PGM5: variants seen among roughly 807,000 people sequenced by gnomAD.
PGM5 encodes phosphoglucomutase-like protein 5.
PGM5 carries 23 observed loss-of-function variants against 59.2 expected under a neutral mutation model. That is an observed-to-expected ratio of 0.39 (90% CI 0.28 to 0.55). The LOEUF (loss-of-function observed/expected upper bound fraction) is 0.55. PGM5 is among the 20% of genes least tolerant of loss of function. The pLI, the probability that PGM5 is intolerant of heterozygous loss-of-function variation, is 0.66. For synonymous variants in PGM5, 214 were observed against 286.0 expected (o/e 0.75, Z 2.54); for missense variants, 574 against 748.3 (o/e 0.77, Z 2.72).
At chr9:68,438,281 T>G (rs1311643509) in intron 6 of PGM5, among the ~76,000 whole-genome samples, 25 of 104,020 alleles carry the variant, frequency 2.4e-4, no homozygotes, top group African/African-American at 1.0e-3. Flanking sequence ...AGAGGGAGAC[T>G]CTGTCAAAAA....
chr9:68,398,491 AG>A (rs1822572867), intron 6 of PGM5: 1 of 152,218 alleles, frequency 6.6e-6, no homozygotes, highest in Non-Finnish European at 1.5e-5. Context: ...AGGACTAAGA[AG>A]GGTCCAGGGG....
At chr9:68,485,043 G>A (rs1435144739) in intron 9 of PGM5, among the ~76,000 whole-genome samples, 1 of 152,160 alleles carries the variant, frequency 6.6e-6, no homozygotes, top group African/African-American at 2.4e-5. Flanking sequence ...ATTCCTTCAA[G>A]GGAATGGTCT....
intron 6 of PGM5, among the ~76,000 whole-genome samples, chr9:68,450,981 G>C (rs781909178): frequency 1.3e-5 from 2 of 152,192 alleles, no homozygotes; most frequent in Non-Finnish European, 2.9e-5. Flanking sequence ...GAATGGTGGA[G>C]GATTCTTCCT....
intron 6 of PGM5, among the ~76,000 whole-genome samples, chr9:68,453,403 A>T (rs188619042): frequency 6.6e-6 from 1 of 152,258 alleles, no homozygotes; most frequent in East Asian, 1.9e-4. Context: ...CAGTGGCATA[A>T]TTATAGCTAA....
intron 6 of PGM5, among the ~76,000 whole-genome samples, chr9:68,422,999 T>G (rs766871631): frequency 2.8e-4 from 42 of 152,358 alleles, no homozygotes; most frequent in Non-Finnish European, 4.6e-4. Flanking sequence ...CCTGAATTAC[T>G]TCACTTAGAG....
chr9:68,464,698 G>C (rs1823906689), intron 6 of PGM5: 1 of 175,220 alleles, frequency 5.7e-6, no homozygotes, highest in Non-Finnish European at 1.2e-5. Context: ...AATCTGAGCA[G>C]TGCATCACAG....
chr9:68,451,716 G>C (rs1554684343), intron 6 of PGM5, among the ~76,000 whole-genome samples: 1 of 152,126 alleles, frequency 6.6e-6, no homozygotes, highest in Non-Finnish European at 1.5e-5. Context: ...GTCTCTGAAG[G>C]GTGTAGTCTA....
intron 6 of PGM5, among the ~76,000 whole-genome samples, chr9:68,418,984 G>A (rs1371861309): frequency 2.6e-5 from 4 of 152,126 alleles, no homozygotes; most frequent in African/African-American, 9.7e-5. Context: ...CAGGTGGCCC[G>A]TTTCAAAATG....
intron 9 of PGM5, chr9:68,497,638 T>C (rs1237811908): frequency 1.3e-5 from 2 of 152,240 alleles, no homozygotes; most frequent in African/African-American, 2.4e-5. Context: ...TAATGGCTTA[T>C]TCTTAAACAG....
intron 7 of PGM5, among the ~76,000 whole-genome samples, chr9:68,476,496 T>G (rs1019960051): frequency 5.3e-5 from 8 of 152,234 alleles, no homozygotes; most frequent in Non-Finnish European, 1.2e-4. Flanking sequence ...TGGAATTTCT[T>G]GTTTAATCTG....
Position 68,523,602 on chromosome 9 carries a change from A to T in PGM5, c.1615-5965A>T, listed in dbSNP as rs145225309. Among the ~76,000 whole-genome samples the T allele has an allele frequency of 8.5e-5, 13 of 152,358 alleles. No homozygotes were observed. The East Asian group carries it at 2.3e-3, about 27-fold the overall frequency. On this transcript the variant is annotated intron_variant, in intron 10 of 10. Coordinates refer to ENST00000396396, the MANE Select transcript of PGM5 (RefSeq NM_021965.4). ...ATCCTAGGGATCAGGAGAAAGTAGC[A>T]TTTGTTATAAATCTCTATTTTATGG...
chr9:68,427,040 G>A (rs1294315066), intron 6 of PGM5: 2 of 152,240 alleles, frequency 1.3e-5, no homozygotes, highest in East Asian at 3.8e-4. Context: ...ACTTGCCAAA[G>A]CATTCATTCA....
At chr9:68,526,172 G>A (rs1040326306) in intron 10 of PGM5, among the ~76,000 whole-genome samples, 1 of 152,188 alleles carries the variant, frequency 6.6e-6, no homozygotes, top group African/African-American at 2.4e-5. Context: ...GGCCTTCCTG[G>A]GGTCATACAA....
At position 68,416,684 on chromosome 9, in the gene PGM5, T is replaced by C. The variant is rs569788033; in HGVS notation, c.1043+24211T>C. Among the ~76,000 whole-genome samples, 10 of 152,354 alleles carry C rather than the reference T, an allele frequency of 6.6e-5. No individual in the cohort carries two copies. The South Asian group carries it at 2.1e-3, about 32-fold the overall frequency. On this transcript the variant is annotated intron_variant, in intron 6 of 10. Coordinates refer to ENST00000396396, the MANE Select transcript of PGM5 (RefSeq NM_021965.4). ...GTTCCAATTATTTGTGCCTCACTTA[T>C]AAAAAGTAGGTAATGAGAAAATTAA... is the stretch of plus-strand genomic sequence containing the variant.
rs1003130588 is a variant in PGM5, at chr9:68,530,770, A to G, written c.*1114A>G. The G allele has an allele frequency of 6.6e-6, 1 of 152,290 alleles. No individual in the cohort carries two copies. Among genetic ancestry groups the G allele is most frequent in the Admixed American group, 6.5e-5 (1 of 15,282 alleles). 9.4% of individuals were successfully genotyped at this position (152,290 alleles called of 1,614,324 possible). On this transcript the variant is annotated 3_prime_UTR_variant, in exon 11 of 11. Coordinates refer to ENST00000396396, the MANE Select transcript of PGM5 (RefSeq NM_021965.4). ...GGCTTTCCTCACTTGGGAAAAGGGT[A>G]CTGCCGGTCTAGCAGCCTCCTCTGT...
intron 10 of PGM5, among the ~76,000 whole-genome samples, chr9:68,503,302 T>TTAGCC (rs1257849844): frequency 3.3e-5 from 5 of 152,358 alleles, no homozygotes; most frequent in Non-Finnish European, 7.4e-5. Flanking sequence ...ACAGCTTAGC[T>TTAGCC]TAGCCTACCT....
chr9:68,426,189 T>A (rs1334088151), intron 6 of PGM5, among the ~76,000 whole-genome samples: 1 of 152,030 alleles, frequency 6.6e-6, no homozygotes, highest in Non-Finnish European at 1.5e-5. Context: ...GATGTCTTTC[T>A]TGTGTTTAAA....
At chr9:68,426,689 T>G (rs1381601397) in intron 6 of PGM5, among the ~76,000 whole-genome samples, 2 of 152,116 alleles carry the variant, frequency 1.3e-5, no homozygotes, top group Non-Finnish European at 2.9e-5. Flanking sequence ...GAATGACCAT[T>G]TTTTTAACTA....
At chr9:68,517,431 T>C (rs978611290) in intron 10 of PGM5, among the ~76,000 whole-genome samples, 45 of 152,186 alleles carry the variant, frequency 3.0e-4, no homozygotes, top group African/African-American at 1.0e-3. Context: ...ACTATCCAGG[T>C]AAAATTTATA....
Sources: gnomAD v4.1 joint callset for allele counts (sites outside exome capture counted in the v4.1 genomes callset) on GRCh38, gnomAD v4.1.1 for gene constraint, MANE v1.5 for transcripts, NCBI Gene and HGNC (gene_info 2026-07-23, HGNC 2026-07-21) for gene names.